HERC5: variants seen among roughly 807,000 people sequenced by gnomAD.
The protein encoded by HERC5 is E3 ISG15--protein ligase HERC5.
HERC5 carries 99 observed loss-of-function variants against 119.6 expected under a neutral mutation model. That is an observed-to-expected ratio of 0.83 (90% CI 0.70 to 0.98). The LOEUF (loss-of-function observed/expected upper bound fraction) is 0.98. Ranked by LOEUF, HERC5 falls within the 50% of genes least tolerant of loss-of-function variation. The pLI, the probability that HERC5 is intolerant of heterozygous loss-of-function variation, is 0.00. For missense variants in HERC5, 1,267 were observed against 1,241.3 expected (o/e 1.02, Z -0.31); for synonymous variants, 478 against 445.9 (o/e 1.07, Z -0.91).
rs1279400377 is a variant in HERC5 at position 88,494,216 on chromosome 4, T to G, written c.2329T>G (p.Ser777Ala). ...YFFFGVLCGL[S>A]LFNCNVANLP... ...CTTTTTTGGGGTTCTATGTGGACTT[T>G]CCCTGTTCAATTGCAATGTTGCCAA... is the stretch of plus-strand genomic sequence containing the variant. Residue 777 changes from serine to alanine, a missense_variant, in exon 18 of 23, where the codon TCC (serine) becomes GCC (alanine). Physicochemically the swap from Ser to Ala is moderately conservative, Grantham distance 99 (BLOSUM62 1). Around this residue, in one of 3 missense-constraint regions of HERC5, gnomAD observed 473 missense variants for 445.7 expected, o/e 1.06. Coordinates refer to ENST00000264350, the MANE Select transcript of HERC5 (RefSeq NM_016323.4). The G allele has an allele frequency of 1.9e-6, 3 of 1,613,600 alleles. No homozygotes were observed. The highest frequency in any genetic ancestry group is 2.2e-5 in the South Asian group (2 of 91,030).
intron 4 of HERC5, 41 bp downstream of exon 4, chr4:88,462,397 A>G: frequency 2.0e-6 from 3 of 1,526,150 alleles, no homozygotes; most frequent in South Asian, 2.3e-5. Flanking sequence ...CAACAGATAT[A>G]CTTGTTAGAT....
intron 6 of HERC5, among the ~76,000 whole-genome samples, chr4:88,466,738 T>C (rs1370859442): frequency 2.0e-5 from 3 of 152,172 alleles, no homozygotes; most frequent in Admixed American, 2.0e-4. Flanking sequence ...GGATGGAAAG[T>C]GAAGGGACTC....
intron 4 of HERC5, 152 bp downstream of exon 4, chr4:88,462,508 A>G: frequency 1.5e-6 from 1 of 669,252 alleles, no homozygotes; most frequent in Non-Finnish European, 2.6e-6. Context: ...AATCAGTCCA[A>G]GAGGCATACA....
intron 13 of HERC5, among the ~76,000 whole-genome samples, chr4:88,483,747 T>C (rs1034400093): frequency 6.6e-6 from 1 of 152,004 alleles, no homozygotes. Context: ...CAGGCTGGTC[T>C]CCCAACTCCT....
Position 88,494,207 on chromosome 4 carries a change from T to C in HERC5, c.2320T>C (p.Cys774Arg). ...KKRYFFFGVL[C>R]GLSLFNCNVA... Reference sequence around the variant, plus strand: ...AAGATACTTCTTTTTTGGGGTTCTATGTGGACTTTCCCTGTTCAATTGCAA... The same window carrying C: ...AAGATACTTCTTTTTTGGGGTTCTACGTGGACTTTCCCTGTTCAATTGCAA... The change falls in exon 18 of 23, where the codon TGT becomes CGT. Residue 774 changes from cysteine to arginine, a missense_variant. Transcript: ENST00000264350. The C allele has an allele frequency of 1.2e-6, 2 of 1,613,164 alleles. No homozygotes were observed. Among genetic ancestry groups the C allele is most frequent in the Non-Finnish European group, 1.7e-6 (2 of 1,179,648 alleles).
chr4:88,494,326 G>A lies in HERC5; in HGVS notation c.2439G>A (p.Leu813=). The change falls in exon 18 of 23, where the codon TTG becomes TTA. Residue 813 remains leucine (L), a synonymous_variant. Transcript: ENST00000264350. Reference sequence around the variant, plus strand: ...ACTTGAAAGAACTCAGTCCTGATTTGGGAAAGTAAGTAAACAGAGTTCCTG... The same window carrying A: ...ACTTGAAAGAACTCAGTCCTGATTTAGGAAAGTAAGTAAACAGAGTTCCTG... The part of the protein sequence containing the change: ...LEDLKELSPD[L]GKNLQTLLDD... The A allele has an allele frequency of 6.2e-7, 1 of 1,611,466 alleles. No homozygotes were observed. The highest frequency in any genetic ancestry group is 8.5e-7 in the Non-Finnish European group (1 of 1,179,130).
Position 88,493,057 on chromosome 4 carries a change from A to G in HERC5, c.2179A>G (p.Lys727Glu). The change falls in exon 17 of 23, where the codon AAA becomes GAA. Residue 727 changes from lysine to glutamate, a missense_variant. Physicochemically the swap from Lys to Glu is moderately conservative, Grantham distance 56. Transcript: ENST00000264350. ...EIGYDLGGVK[K>E]EFFYCLFAEM... ...TGGGTATGACCTCGGAGGAGTCAAG[A>G]AAGAGTTCTTCTACTGTCTGTTTGC... The G allele has an allele frequency of 6.2e-7, 1 of 1,614,018 alleles. No homozygotes were observed. Among genetic ancestry groups the G allele is most frequent in the Non-Finnish European group, 8.5e-7 (1 of 1,179,948 alleles).
intron 11 of HERC5, 73 bp from the exon 12 acceptor site, chr4:88,475,768 T>C (rs1241081504): frequency 8.0e-7 from 1 of 1,254,032 alleles, no homozygotes; most frequent in Non-Finnish European, 1.2e-6. Flanking sequence ...CTACACCTTG[T>C]TTTATTACCA....
intron 13 of HERC5, among the ~76,000 whole-genome samples, chr4:88,485,053 C>A (rs1741409719): frequency 6.8e-6 from 1 of 147,370 alleles, no homozygotes. Flanking sequence ...TTTTTTTTTA[C>A]AAAAGGGAAA....
intron 18 of HERC5, among the ~76,000 whole-genome samples, chr4:88,497,756 CTT>C (rs1741839788): frequency 6.6e-6 from 1 of 152,134 alleles, no homozygotes; most frequent in Non-Finnish European, 1.5e-5. Context: ...CCAGGTGACT[CTT>C]TTTATTAATA....
In HERC5 at chr4:88,457,332, C is replaced by T. The variant is rs1019109815; in HGVS notation, c.63C>T (p.Ala21=). ...GGCGCTCGACCGCGGGCAAGGCCGC[C>T]GCGACCCAGCCCGCGAAGTCTCCGG... ...RNGRSTAGKA[A]ATQPAKSPGA... is the part of the protein sequence containing the mutation. Residue 21 remains alanine (A), a synonymous_variant, in exon 1 of 23, where the codon GCC becomes GCT. Coordinates refer to ENST00000264350, the MANE Select transcript of HERC5 (RefSeq NM_016323.4). 5 of 1,403,888 alleles carry T rather than the reference C, an allele frequency of 3.6e-6. No individual in the cohort carries two copies. The African/African-American group carries it at 6.0e-5, about 17-fold the overall frequency. The allele number at this position is 1,403,888 out of a possible 1,614,324, so 87.0% of individuals were successfully genotyped here.
chr4:88,500,337 G>A (rs1389213682), intron 19 of HERC5, among the ~76,000 whole-genome samples: 1 of 152,220 alleles, frequency 6.6e-6, no homozygotes, highest in African/African-American at 2.4e-5. Context: ...GTTCCCTGTG[G>A]TCTTTCATTC....
intron 13 of HERC5, among the ~76,000 whole-genome samples, chr4:88,484,213 C>T (rs1741381598): frequency 6.6e-6 from 1 of 152,010 alleles, no homozygotes. Context: ...TTTCTTCATT[C>T]TTTTCACATT....
chr4:88,462,204 C>T lies in HERC5; in HGVS notation c.536C>T (p.Thr179Ile). The T allele has an allele frequency of 6.2e-7, 1 of 1,614,160 alleles. No homozygotes were observed. The highest frequency in any genetic ancestry group is 8.5e-7 in the Non-Finnish European group (1 of 1,180,032). ...QLGVGRKFPS[T>I]TTPQIVEHLA... ...GGAGTTGGAAGGAAATTTCCCTCAA[C>T]CACCACACCACAGATTGTGGAGCAC... Residue 179 changes from threonine to isoleucine, a missense_variant, in exon 4 of 23, where the codon ACC becomes ATC. By Grantham distance (89) the Thr-to-Ile change is moderately conservative. This residue lies in a region of HERC5 where 777 missense variants were observed against 758.0 expected (regional missense o/e 1.03). Coordinates refer to ENST00000264350, the MANE Select transcript of HERC5 (RefSeq NM_016323.4).
At chr4:88,480,483 A>C (rs1404888642) in intron 13 of HERC5, among the ~76,000 whole-genome samples, 2 of 151,930 alleles carry the variant, frequency 1.3e-5, no homozygotes, top group African/African-American at 4.8e-5. Context: ...CTCTATGAGA[A>C]AACATGCTGC....
At chr4:88,481,272 C>T (rs1226330443) in intron 13 of HERC5, among the ~76,000 whole-genome samples, 5 of 152,104 alleles carry the variant, frequency 3.3e-5, no homozygotes, top group Non-Finnish European at 5.9e-5. Context: ...AGGCTGGTCT[C>T]GAACTCCTGA....
intron 20 of HERC5, among the ~76,000 whole-genome samples, chr4:88,502,369 T>C (rs1034561486): frequency 1.3e-5 from 2 of 152,110 alleles, no homozygotes; most frequent in Admixed American, 6.5e-5. Flanking sequence ...ATGGGGCTTT[T>C]TGGGGAGAGC....
Position 88,494,400 on chromosome 4 carries a change from C to T in HERC5, c.2444+69C>T, listed in dbSNP as rs74876955. The stretch of plus-strand genomic sequence containing the variant: ...ATTTAGGCAAATATTTAAGTACACA[C>T]GCTTCATAATATTTCCATGTTCAAC... On this transcript the variant is annotated intron_variant, in intron 18 of 22. Coordinates refer to ENST00000264350, the MANE Select transcript of HERC5 (RefSeq NM_016323.4). The T allele has an allele frequency of 3.0e-3, 3,816 of 1,253,066 alleles. 63 individuals carry two copies. Among genetic ancestry groups the T allele is most frequent in the South Asian group, 0.026 (1,915 of 72,418 alleles). The allele number at this position is 1,253,066 out of a possible 1,614,324, so 77.6% of individuals were successfully genotyped here. A position where few individuals can be genotyped will look rare whatever the true frequency, so the allele number is the denominator to read the frequency against.
intron 12 of HERC5, 106 bp from the exon 13 acceptor site, chr4:88,479,247 T>C (rs1560606429): frequency 1.3e-6 from 1 of 788,990 alleles, no homozygotes; most frequent in Non-Finnish European, 1.9e-6. Context: ...ATCGTGCCAC[T>C]GCACTCCAGG....
Sources: allele counts gnomAD v4.1 joint callset (sites outside exome capture counted in the v4.1 genomes callset), GRCh38; gene constraint gnomAD v4.1.1; regional missense constraint gnomAD v4.1.1; transcripts MANE v1.5; gene names NCBI Gene and HGNC (gene_info 2026-07-23, HGNC 2026-07-21).